The following GSAP variants were observed in gnomAD, a reference collection of about 807,000 sequenced individuals.
GSAP encodes gamma-secretase-activating protein.
A neutral mutation model predicts 131.7 loss-of-function variants in GSAP; 118 were observed. The observed-to-expected ratio is 0.90, with a 90% CI of 0.77 to 1.04. GSAP has a LOEUF of 1.04. Among genes scored for constraint, GSAP ranks in the 50% least tolerant of loss-of-function variants. GSAP has a pLI of 0.00. For synonymous variants in GSAP, 381 were observed against 363.4 expected (o/e 1.05, Z -0.55); for missense variants, 1,019 against 1,013.2 (o/e 1.01, Z -0.08).
At position 77,404,602 on chromosome 7, in the gene GSAP, T is replaced by C; in HGVS notation, c.200A>G (p.Asn67Ser). Residue 67 changes from asparagine (N) to serine (S), a missense_variant, in exon 3 of 31, where the codon AAT becomes AGT. Transcript: ENST00000257626. ...ACAATCATATAATCCAAAGACGACA[T>C]TTCCCTTATCATCCTAAAAAAAATT... Reference protein sequence around the residue: ...IIYTYKDDKGNVVFGLYDCQT... With the variant: ...IIYTYKDDKGSVVFGLYDCQT... 1 of 1,547,792 alleles carries C rather than the reference T, an allele frequency of 6.5e-7. No homozygotes were observed. Among genetic ancestry groups the C allele is most frequent in the Non-Finnish European group, 8.9e-7 (1 of 1,122,104 alleles).
chr7:77,325,027 G>C (rs190126753), intron 23 of GSAP, among the ~76,000 whole-genome samples: 3 of 152,064 alleles, frequency 2.0e-5, no homozygotes, highest in Middle Eastern at 3.4e-3. Context: ...TGTTGACTAG[G>C]CTGGTCTCGA....
intron 20 of GSAP, 199 bp downstream of exon 20, chr7:77,330,039 CT>C (rs1177125897): frequency 2.2e-6 from 1 of 459,952 alleles, no homozygotes; most frequent in African/African-American, 2.1e-5. Context: ...CTTAAACTTT[CT>C]GCTTTTCAGT....
chr7:77,350,064 T>C (rs1277294036), intron 18 of GSAP, among the ~76,000 whole-genome samples: 1 of 151,912 alleles, frequency 6.6e-6, no homozygotes, highest in Non-Finnish European at 1.5e-5. Context: ...ATGTGGCACA[T>C]ATACAACACC....
chr7:77,371,462 T>A (rs1390300422), intron 12 of GSAP, among the ~76,000 whole-genome samples: 2 of 149,544 alleles, frequency 1.3e-5, no homozygotes, highest in East Asian at 3.9e-4. Flanking sequence ...TAAGACAGAG[T>A]CTTGCTCTGT....
intron 19 of GSAP, among the ~76,000 whole-genome samples, chr7:77,332,674 A>T (rs559139624): frequency 6.6e-6 from 1 of 152,346 alleles, no homozygotes; most frequent in Non-Finnish European, 1.5e-5. Flanking sequence ...TAAAACAAAA[A>T]TTAAAATTTA....
intron 7 of GSAP, among the ~76,000 whole-genome samples, chr7:77,382,368 A>G (rs1423793071): frequency 6.6e-6 from 1 of 152,218 alleles, no homozygotes; most frequent in South Asian, 2.1e-4. Flanking sequence ...TCCCAGGATG[A>G]GAAAGCTGAA....
intron 1 of GSAP, among the ~76,000 whole-genome samples, chr7:77,413,854 G>A (rs1489354307): frequency 2.5e-5 from 1 of 40,422 alleles, no homozygotes; most frequent in African/African-American, 1.3e-4. Context: ...TTTTACTTCG[G>A]TGGTTTTTTT....
At chr7:77,341,934 C>T (rs960528571) in intron 19 of GSAP, among the ~76,000 whole-genome samples, 2 of 152,202 alleles carry the variant, frequency 1.3e-5, no homozygotes, top group African/African-American at 4.8e-5. Context: ...AGTGGTCAAG[C>T]ATTCCTTCAG....
At chr7:77,407,549 T>A (rs973165883) in intron 1 of GSAP, among the ~76,000 whole-genome samples, 7 of 152,210 alleles carry the variant, frequency 4.6e-5, no homozygotes, top group African/African-American at 1.7e-4. Flanking sequence ...TTTCATTCTA[T>A]TACCTATTGT....
chr7:77,372,052 C>T (rs1397999089), intron 12 of GSAP, among the ~76,000 whole-genome samples: 1 of 152,234 alleles, frequency 6.6e-6, no homozygotes, highest in East Asian at 1.9e-4. Context: ...TTCACAACAT[C>T]ACCTGTGAAG....
chr7:77,394,629 A>G (rs1800075065), intron 5 of GSAP, among the ~76,000 whole-genome samples: 2 of 152,216 alleles, frequency 1.3e-5, no homozygotes, highest in Admixed American at 1.3e-4. Flanking sequence ...CAGGGAAGAA[A>G]AGTATACCAG....
chr7:77,345,472 C>T (rs1216354497), intron 19 of GSAP, among the ~76,000 whole-genome samples: 1 of 152,182 alleles, frequency 6.6e-6, no homozygotes, highest in Non-Finnish European at 1.5e-5. Context: ...TGAGCCCAAG[C>T]TAAGCCATCA....
At chr7:77,380,057 A>C (rs1797569362) in intron 8 of GSAP, 1 of 369,908 alleles carries the variant, frequency 2.7e-6, no homozygotes, top group African/African-American at 2.2e-5. Flanking sequence ...TCCTATACAA[A>C]TTATCAAGAA....
At chr7:77,324,948 C>T (rs957650933) in intron 23 of GSAP, among the ~76,000 whole-genome samples, 16 of 151,382 alleles carry the variant, frequency 1.1e-4, no homozygotes, top group African/African-American at 7.3e-5. Flanking sequence ...TCCCAGTAGC[C>T]GAGATTACAG....
intron 12 of GSAP, among the ~76,000 whole-genome samples, chr7:77,371,376 T>G (rs532691587): frequency 6.6e-6 from 1 of 152,110 alleles, no homozygotes; most frequent in East Asian, 1.9e-4. Flanking sequence ...TAGACTTAAC[T>G]GCTCATCTTC....
chr7:77,334,062 C>A (rs1036088649), intron 19 of GSAP, among the ~76,000 whole-genome samples: 1 of 152,180 alleles, frequency 6.6e-6, no homozygotes, highest in Admixed American at 6.5e-5. Context: ...ACCCAGCAAT[C>A]TCATTGCTGG....
intron 19 of GSAP, among the ~76,000 whole-genome samples, chr7:77,337,865 G>C (rs1790264472): frequency 6.6e-6 from 1 of 151,988 alleles, no homozygotes; most frequent in Non-Finnish European, 1.5e-5. Flanking sequence ...TAAAATCAAG[G>C]GCAGGCCAGG....
At chr7:77,389,792 T>A (rs1799184337) in intron 5 of GSAP, among the ~76,000 whole-genome samples, 1 of 152,238 alleles carries the variant, frequency 6.6e-6, no homozygotes, top group Admixed American at 6.5e-5. Context: ...CCTTTGGGTA[T>A]ATACCCAGTA....
chr7:77,313,488 C>CG lies in GSAP; in HGVS notation c.2270dup (p.Leu758AlafsTer8). Reference sequence around the variant, plus strand: ...AAAATAAAATGTAACTCAGTATTACCGGAGGAAGCCGCACAATGATACTGA... The same window carrying CG: ...AAAATAAAATGTAACTCAGTATTACCGGGAGGAAGCCGCACAATGATACTGA... On this transcript the variant is annotated frameshift_variant and splice_region_variant, in exon 28 of 31. Coordinates refer to ENST00000257626, the MANE Select transcript of GSAP (RefSeq NM_017439.4). LOFTEE classifies it high-confidence loss of function. 7.3e-6 allele frequency: 11 copies of CG among 1,514,654 alleles called. No homozygotes were observed. The highest frequency in any genetic ancestry group is 1.0e-5 in the Non-Finnish European group (11 of 1,091,652). 93.8% of individuals were successfully genotyped at this position (1,514,654 alleles called of 1,614,324 possible).
Sources: gnomAD v4.1 joint callset for allele counts (sites outside exome capture counted in the v4.1 genomes callset) on GRCh38, gnomAD v4.1.1 for gene constraint, MANE v1.5 for transcripts, NCBI Gene and HGNC (gene_info 2026-07-23, HGNC 2026-07-21) for gene names.